CDH4: variants seen among roughly 807,000 people sequenced by gnomAD.
CDH4 encodes the protein cadherin-4.
A neutral mutation model predicts 86.0 loss-of-function variants in CDH4; 33 were observed. That is an observed-to-expected ratio of 0.38 (90% CI 0.29 to 0.51). The LOEUF (loss-of-function observed/expected upper bound fraction) is 0.51, where lower values mean the gene tolerates loss of function less well. Among genes scored for constraint, CDH4 ranks in the 20% least tolerant of loss-of-function variants. The probability of loss-of-function intolerance (pLI) is 0.86; values close to 1 mark genes in which losing one functional copy is unlikely to be tolerated. For synonymous variants in CDH4, 555 were observed against 549.4 expected (o/e 1.01, Z -0.14); for missense variants, 1,114 against 1,307.4 (o/e 0.85, Z 2.28).
At position 61,517,912 on chromosome 20, in the gene CDH4, C is replaced by A. The variant is rs1375149205; in HGVS notation, c.170-225651C>A. 6.6e-6 allele frequency among the ~76,000 whole-genome samples: 1 copy of A among 152,302 alleles called. No individual in the cohort carries two copies. Among genetic ancestry groups the A allele is most frequent in the South Asian group, 2.1e-4 (1 of 4,824 alleles). ...CCATATACCCCTCAGGGTCCCTCCC[C>A]CAAATGCACAGACACAGCCAGACAG... On this transcript the variant is annotated intron_variant, in intron 2 of 15. Coordinates refer to ENST00000614565, the MANE Select transcript of CDH4 (RefSeq NM_001794.5). The surrounding 1 kb of genome is among the most constrained non-coding windows in gnomAD (Gnocchi z 6.6).
chr20:61,353,707 T>TG (rs2084729752), intron 2 of CDH4, among the ~76,000 whole-genome samples: 1 of 27,520 alleles, frequency 3.6e-5, no homozygotes, highest in African/African-American at 1.7e-4. Context: ...CTCCTCCTCC[T>TG]CCCCTGCTTC....
intron 2 of CDH4, among the ~76,000 whole-genome samples, chr20:61,367,557 TC>T (rs1338688620): frequency 6.7e-6 from 1 of 149,060 alleles, no homozygotes; most frequent in Admixed American, 6.7e-5. Context: ...TGAAGGGGCT[TC>T]CACTGACCCA....
In CDH4 at chr20:61,373,597, C is replaced by T. The variant is rs943591156; in HGVS notation, c.169+118660C>T. On this transcript the variant is annotated intron_variant, in intron 2 of 15. Transcript: ENST00000614565. ...GTAGCAATTCCTTGCTGCATCCACC[C>T]TCCCAGCAAAACGGGATTAGAACCT... Among the ~76,000 whole-genome samples the T allele has an allele frequency of 2.0e-5, 3 of 152,312 alleles. No homozygotes were observed. In the Middle Eastern group the frequency reaches 0.01, roughly 518 times the overall value.
chr20:61,327,940 C>T (rs113663250), intron 2 of CDH4, among the ~76,000 whole-genome samples: 6,673 of 152,194 alleles, frequency 0.044, 242 homozygotes, highest in South Asian at 0.1. Context: ...TGGTCAATAA[C>T]GGATCTTAAC....
At chr20:61,565,214 TCGGTGGTAGGTGGTGGTGG>T (rs1462252409) in intron 2 of CDH4, among the ~76,000 whole-genome samples, 367 of 31,174 alleles carry the variant, frequency 0.012, 38 homozygotes, top group African/African-American at 0.034. Flanking sequence ...CGCGGTGCTC[TCGGTGGTAGGTGGTGGTGG>T]TGGTGGTGGC....
intron 2 of CDH4, among the ~76,000 whole-genome samples, chr20:61,397,969 G>A (rs1171747076): frequency 6.6e-6 from 1 of 152,208 alleles, no homozygotes; most frequent in African/African-American, 2.4e-5. Context: ...CCTGCCCGAT[G>A]GAGCAGGACA....
chr20:61,687,368 G>A (rs1052568773), intron 2 of CDH4, among the ~76,000 whole-genome samples: 8 of 152,232 alleles, frequency 5.3e-5, no homozygotes, highest in Admixed American at 1.3e-4. Flanking sequence ...GTCTGTACTC[G>A]GAGGCAGCGC....
At chr20:61,584,999 G>A (rs1208289902) in intron 2 of CDH4, among the ~76,000 whole-genome samples, 1 of 152,222 alleles carries the variant, frequency 6.6e-6, no homozygotes, top group Non-Finnish European at 1.5e-5. Flanking sequence ...CGCCCCTGCA[G>A]GCCTGTGGGC....
intron 2 of CDH4, among the ~76,000 whole-genome samples, chr20:61,427,407 A>G (rs77346173): frequency 0.029 from 4,357 of 152,226 alleles, 98 homozygotes; most frequent in Non-Finnish European, 0.044. Flanking sequence ...GGGTTTTTAG[A>G]GGCTGTGGCA....
At chr20:61,636,064 G>A (rs2086943367) in intron 2 of CDH4, among the ~76,000 whole-genome samples, 1 of 152,232 alleles carries the variant, frequency 6.6e-6, no homozygotes, top group South Asian at 2.1e-4. Flanking sequence ...TGAATGCGGG[G>A]GGCTCCACAC....
At chr20:61,721,380 C>T (rs983038044) in intron 2 of CDH4, among the ~76,000 whole-genome samples, 3 of 152,168 alleles carry the variant, frequency 2.0e-5, no homozygotes, top group African/African-American at 2.4e-5. Context: ...GAGCCCACCC[C>T]GGCCTGGAGG....
chr20:61,876,872 A>G (rs1984048636), intron 7 of CDH4, among the ~76,000 whole-genome samples: 1 of 152,160 alleles, frequency 6.6e-6, no homozygotes, highest in Non-Finnish European at 1.5e-5. Flanking sequence ...TTTGTAGTTT[A>G]TATTGTAGGA....
At position 61,923,656 on chromosome 20, in the gene CDH4, C is replaced by G. The variant is rs755112377; in HGVS notation, c.1580C>G (p.Thr527Ser). Residue 527 changes from threonine to serine, a missense_variant, in exon 10 of 16, where the codon ACC (threonine) becomes AGC (serine). Transcript: ENST00000614565. ...EEGVPPGTVL[T>S]TFSAVDPDRF... ...GGCGTGCCCCCCGGCACCGTGCTGA[C>G]CACGTTTTCAGCTGTGGACCCTGAC... 6.2e-7 allele frequency: 1 copy of G among 1,614,066 alleles called. No homozygotes were observed. Among genetic ancestry groups the G allele is most frequent in the Non-Finnish European group, 8.5e-7 (1 of 1,180,038 alleles).
chr20:61,331,723 G>GCCCCAGATCT (rs1432369246), intron 2 of CDH4, among the ~76,000 whole-genome samples: 6 of 45,832 alleles, frequency 1.3e-4, no homozygotes, highest in South Asian at 1.8e-3. Flanking sequence ...CCGACCACCT[G>GCCCCAGATCT]ACAGAAATGA....
At chr20:61,830,047 C>T (rs984094124) in intron 4 of CDH4, among the ~76,000 whole-genome samples, 3 of 151,330 alleles carry the variant, frequency 2.0e-5, no homozygotes, top group Non-Finnish European at 4.4e-5. Context: ...TTTTTCTGTC[C>T]CCCACAGCCC....
At chr20:61,802,728 G>A (rs113006783) in intron 4 of CDH4, among the ~76,000 whole-genome samples, 1 of 152,216 alleles carries the variant, frequency 6.6e-6, no homozygotes, top group Non-Finnish European at 1.5e-5. Context: ...GCCGGGCAGG[G>A]GGAAACAGGT....
chr20:61,730,333 C>T (rs1600922568), intron 2 of CDH4, among the ~76,000 whole-genome samples: 1 of 152,258 alleles, frequency 6.6e-6, no homozygotes, highest in East Asian at 1.9e-4. Flanking sequence ...TCATCCCTCC[C>T]TCCTCCCACG....
At chr20:61,388,699 G>C (rs1364975477) in intron 2 of CDH4, among the ~76,000 whole-genome samples, 2 of 152,208 alleles carry the variant, frequency 1.3e-5, no homozygotes, top group African/African-American at 4.8e-5. Flanking sequence ...ACAGACAGCA[G>C]GGGGATGCTG....
chr20:61,287,014 C>T (rs1279214829), intron 2 of CDH4, among the ~76,000 whole-genome samples: 2 of 152,208 alleles, frequency 1.3e-5, no homozygotes, highest in Non-Finnish European at 1.5e-5. Flanking sequence ...CAGTGGGACA[C>T]GAATCCCCCA....
Sources: gnomAD v4.1 joint callset for allele counts (sites outside exome capture counted in the v4.1 genomes callset) on GRCh38, gnomAD v4.1.1 for gene constraint, Gnocchi (gnomAD v3.1) non-coding constraint, MANE v1.5 for transcripts, NCBI Gene and HGNC (gene_info 2026-07-23, HGNC 2026-07-21) for gene names.